The following ARFGEF1 variants were observed in gnomAD, a reference collection of about 807,000 sequenced individuals.
The protein encoded by ARFGEF1 is ARF guanine nucleotide exchange factor 1.
In ARFGEF1, 42 loss-of-function variants were observed where a neutral mutation model predicts 231.0. The observed-to-expected ratio is 0.18, with a 90% confidence interval of 0.14 to 0.24. The LOEUF is 0.24. Among genes scored for constraint, ARFGEF1 ranks in the 10% least tolerant of loss-of-function variants. The probability of loss-of-function intolerance (pLI) is 1.00; values close to 1 mark genes in which losing one functional copy is unlikely to be tolerated. For synonymous variants in ARFGEF1, 710 were observed against 732.3 expected (o/e 0.97, Z 0.49); for missense variants, 1,345 against 2,192.0 (o/e 0.61, Z 7.72).
chr8:67,230,097 G>A (rs1276913582), intron 23 of ARFGEF1, among the ~76,000 whole-genome samples: 1 of 152,006 alleles, frequency 6.6e-6, no homozygotes, highest in Non-Finnish European at 1.5e-5. Flanking sequence ...CACTGCCATA[G>A]TCTCTGAGGG....
chr8:67,235,310 A>G (rs995474676), intron 22 of ARFGEF1, among the ~76,000 whole-genome samples: 3 of 151,966 alleles, frequency 2.0e-5, no homozygotes, highest in Non-Finnish European at 4.4e-5. Flanking sequence ...AACACAAGAG[A>G]ATAGGGGTGT....
At chr8:67,290,400 T>C (rs778447591) in intron 6 of ARFGEF1, among the ~76,000 whole-genome samples, 4 of 152,194 alleles carry the variant, frequency 2.6e-5, no homozygotes, top group African/African-American at 9.7e-5. Context: ...TACCCCTATC[T>C]ATCAAGATTC....
At chr8:67,212,256 A>G (rs1035436245) in intron 33 of ARFGEF1, among the ~76,000 whole-genome samples, 1 of 151,774 alleles carries the variant, frequency 6.6e-6, no homozygotes, top group African/African-American at 2.4e-5. Flanking sequence ...CTCATTTTGT[A>G]TTTTTAGTAG....
At position 67,238,997 on chromosome 8, in the gene ARFGEF1, T is replaced by G. The variant is rs560403728; in HGVS notation, c.2980-104A>C. 6.2e-5 allele frequency: 59 copies of G among 948,986 alleles called. No individual in the cohort carries two copies. In the South Asian group the frequency reaches 1.1e-3, roughly 18 times the overall value. 58.8% of individuals were successfully genotyped at this position (948,986 alleles called of 1,614,324 possible). On this transcript the variant is annotated intron_variant, in intron 20 of 38. Transcript: ENST00000262215. The stretch of plus-strand genomic sequence containing the variant: ...ACTTGTTCAGTAAGATTTTGTTTTT[T>G]TTTTTTTTAATTTATTTATTAATTT...
Position 67,263,550 on chromosome 8 carries a change from C to A in ARFGEF1, c.2123+2456G>T, listed in dbSNP as rs191490492. On this transcript the variant is annotated intron_variant, in intron 14 of 38. Coordinates refer to ENST00000262215, the MANE Select transcript of ARFGEF1 (RefSeq NM_006421.5). ...CTTACCTCCTGTTATTCCCCCTCCA[C>A]TCTAGCCTGCCATGCTGAACAAGTG... Among the ~76,000 whole-genome samples the A allele has an allele frequency of 8.6e-3, 1,305 of 152,268 alleles. 12 individuals are homozygous for A. Among genetic ancestry groups the A allele is most frequent in the Middle Eastern group, 0.041 (12 of 294 alleles).
chr8:67,297,710 T>C (rs1587252793), intron 4 of ARFGEF1, among the ~76,000 whole-genome samples: 2 of 152,344 alleles, frequency 1.3e-5, no homozygotes, highest in East Asian at 3.9e-4. Context: ...CTTTATGTTG[T>C]ACAATGCTAT....
intron 5 of ARFGEF1, among the ~76,000 whole-genome samples, chr8:67,192,411 A>AGTT (rs1836608260): frequency 6.6e-6 from 1 of 152,042 alleles, no homozygotes; most frequent in Non-Finnish European, 1.5e-5. Context: ...CTTTTTATTG[A>AGTT]GTTGTAAGAG....
chr8:67,202,044 G>GA (rs1317412515), intron 36 of ARFGEF1, among the ~76,000 whole-genome samples: 1 of 151,820 alleles, frequency 6.6e-6, no homozygotes, highest in Non-Finnish European at 1.5e-5. Flanking sequence ...AACTTGGGTA[G>GA]AAAAAAAGGG....
At chr8:67,179,844 T>A (rs1265957992) in intron 5 of ARFGEF1, 1 of 1,552,606 alleles carries the variant, frequency 6.4e-7, no homozygotes, top group Admixed American at 1.7e-5. Flanking sequence ...AAATAGTCAT[T>A]GAAACATGTT....
chr8:67,301,391 A>C lies in ARFGEF1; in HGVS notation c.156-11T>G. ...TCTCCATGAGGAGGACTAAATGAGA[A>C]AGAAAAGTCTGATTATAGCGTATCA... On this transcript the variant is annotated splice_polypyrimidine_tract_variant and intron_variant, in intron 2 of 38. Coordinates refer to ENST00000262215, the MANE Select transcript of ARFGEF1 (RefSeq NM_006421.5). 6.2e-7 allele frequency: 1 copy of C among 1,603,882 alleles called. No homozygotes were observed. Among genetic ancestry groups the C allele is most frequent in the East Asian group, 2.2e-5 (1 of 44,770 alleles).
intron 5 of ARFGEF1, among the ~76,000 whole-genome samples, chr8:67,187,699 T>C (rs776265191): frequency 1.3e-5 from 2 of 151,798 alleles, no homozygotes; most frequent in African/African-American, 2.4e-5. Context: ...AAGAAAGAAA[T>C]AGACTCACGC....
intron 1 of ARFGEF1, among the ~76,000 whole-genome samples, chr8:67,338,554 C>A (rs1476562551): frequency 6.6e-6 from 1 of 152,192 alleles, no homozygotes; most frequent in Non-Finnish European, 1.5e-5. Context: ...ACACTATAAT[C>A]CAAACTTATT....
chr8:67,320,223 CAAA>C (rs544834392), intron 1 of ARFGEF1, among the ~76,000 whole-genome samples: 1,580 of 45,204 alleles, frequency 0.035, 59 homozygotes, highest in African/African-American at 0.12. Context: ...AACGCTATCT[CAAA>C]AAAAAAAAAA....
chr8:67,190,140 A>G (rs114728703), intron 5 of ARFGEF1, among the ~76,000 whole-genome samples: 355 of 152,352 alleles, frequency 2.3e-3, no homozygotes, highest in African/African-American at 8.2e-3. Flanking sequence ...GAATGTTCAT[A>G]GCAGTGTTAT....
intron 1 of ARFGEF1, among the ~76,000 whole-genome samples, chr8:67,337,153 A>T (rs1808387663): frequency 1.3e-5 from 2 of 150,004 alleles, no homozygotes; most frequent in South Asian, 2.1e-4. Context: ...AAAAAAAAAC[A>T]GACAAAACAA....
chr8:67,195,449 TGTA>T (rs1366060965), downstream of ARFGEF1: 6 of 1,614,064 alleles, frequency 3.7e-6, no homozygotes, highest in Non-Finnish European at 5.1e-6. Context: ...GATCAAACTC[TGTA>T]GCAACTGAGC....
intron 30 of ARFGEF1, 51 bp downstream of exon 30, chr8:67,219,380 T>C: frequency 4.4e-6 from 7 of 1,573,786 alleles, no homozygotes; most frequent in South Asian, 1.2e-5. Context: ...ATTATAATAC[T>C]GAGAATCTTT....
rs565148680 is a variant in ARFGEF1, at chr8:67,209,061, C to T, written c.4819+2422G>A. On this transcript the variant is annotated intron_variant, in intron 34 of 38. Coordinates refer to ENST00000262215, the MANE Select transcript of ARFGEF1 (RefSeq NM_006421.5). ...CTCAAGAAGTTAAACATAGAATTAC[C>T]CTATGAGCTAGCAATTCCACTCCTA... Among the ~76,000 whole-genome samples the T allele has an allele frequency of 3.3e-5, 5 of 152,246 alleles. No individual in the cohort carries two copies. In the South Asian group the frequency reaches 1.0e-3, roughly 32 times the overall value.
chr8:67,331,163 G>A (rs1228554348), intron 1 of ARFGEF1, among the ~76,000 whole-genome samples: 2 of 152,056 alleles, frequency 1.3e-5, no homozygotes, highest in Non-Finnish European at 2.9e-5. Flanking sequence ...GGAATATGAT[G>A]TGATGTTTTA....
Sources: gnomAD v4.1 joint callset for allele counts (sites outside exome capture counted in the v4.1 genomes callset) on GRCh38, gnomAD v4.1.1 for gene constraint, MANE v1.5 for transcripts, NCBI Gene and HGNC (gene_info 2026-07-23, HGNC 2026-07-21) for gene names.